Variants in GRM1 observed in about 807,000 individuals in gnomAD.
GRM1 encodes metabotropic glutamate receptor 1.
A neutral mutation model predicts 90.9 loss-of-function variants in GRM1; 33 were observed. The ratio of observed to expected loss-of-function variants is 0.36; its 90% CI spans 0.28 to 0.49. GRM1 has a LOEUF of 0.49. Ranked by LOEUF, GRM1 falls within the 20% of genes least tolerant of loss-of-function variation. The pLI is 0.99. For missense variants in GRM1, 1,190 were observed against 1,534.3 expected, an observed-to-expected ratio of 0.78 and a Z score of 3.75; for synonymous variants, 700 against 613.2, an observed-to-expected ratio of 1.14 and a Z score of -2.09.
chr6:146,074,764 G>C (rs940528883), intron 1 of GRM1, among the ~76,000 whole-genome samples: 2 of 152,104 alleles, frequency 1.3e-5, no homozygotes, highest in Non-Finnish European at 2.9e-5. Context: ...GAATACTAGA[G>C]AGTCATAAAT....
chr6:146,087,975 T>C (rs1036182673), intron 1 of GRM1, among the ~76,000 whole-genome samples: 4 of 152,190 alleles, frequency 2.6e-5, no homozygotes, highest in Non-Finnish European at 5.9e-5. Flanking sequence ...TATTGCTCAT[T>C]TGCATGCTGA....
At chr6:146,062,095 A>G (rs1276266929) in intron 1 of GRM1, among the ~76,000 whole-genome samples, 1 of 152,150 alleles carries the variant, frequency 6.6e-6, no homozygotes, top group Non-Finnish European at 1.5e-5. Context: ...AACCAACCCA[A>G]ATGTCCATCA....
intron 1 of GRM1, among the ~76,000 whole-genome samples, chr6:146,070,137 A>G (rs1331028293): frequency 1.3e-5 from 2 of 152,098 alleles, no homozygotes; most frequent in African/African-American, 4.8e-5. Flanking sequence ...TTCTGAAAAC[A>G]CTTCTTTATC....
At chr6:146,194,468 A>C (rs923614604) in intron 2 of GRM1, among the ~76,000 whole-genome samples, 2 of 152,348 alleles carry the variant, frequency 1.3e-5, no homozygotes, top group African/African-American at 4.8e-5. Flanking sequence ...TAAATGAGCC[A>C]ACATCAGGGG....
intron 4 of GRM1, 81 bp downstream of exon 4, chr6:146,352,577 TC>T: frequency 7.1e-7 from 1 of 1,417,292 alleles, no homozygotes; most frequent in Non-Finnish European, 9.9e-7. Flanking sequence ...TTCATCTGGT[TC>T]CATGGTTTCT....
intron 5 of GRM1, among the ~76,000 whole-genome samples, chr6:146,385,471 T>C (rs896062774): frequency 6.6e-6 from 1 of 151,956 alleles, no homozygotes; most frequent in Non-Finnish European, 1.5e-5. Flanking sequence ...ATGTTATTTT[T>C]GAAATACTAA....
chr6:146,120,642 C>T (rs535508579), intron 1 of GRM1, among the ~76,000 whole-genome samples: 80 of 152,180 alleles, frequency 5.3e-4, no homozygotes, highest in Middle Eastern at 6.8e-3. Flanking sequence ...GAGTTTTTAG[C>T]GTGAAGAGTT....
intron 4 of GRM1, among the ~76,000 whole-genome samples, chr6:146,354,915 T>C (rs896127850): frequency 6.6e-6 from 1 of 152,160 alleles, no homozygotes; most frequent in Non-Finnish European, 1.5e-5. Flanking sequence ...ATAGTTTTTT[T>C]CCCAGCTTTT....
At chr6:146,145,081 G>A (rs1264580707) in intron 1 of GRM1, among the ~76,000 whole-genome samples, 2 of 152,146 alleles carry the variant, frequency 1.3e-5, no homozygotes, top group Admixed American at 6.5e-5. Flanking sequence ...GAAGCTGCAT[G>A]GTTGCTTTTG....
chr6:146,399,004 C>A lies in GRM1; in HGVS notation c.1965C>A (p.Thr655=). ...PFTLIAKPTT[T]SCYLQRLLVG... is the part of the protein sequence containing the mutation. ...CTCTCATTGCCAAACCTACTACCAC[C>A]TCCTGCTACCTCCAGCGCCTCTTGG... The change falls in exon 7 of 8, where the codon ACC becomes ACA. Residue 655 remains threonine, a synonymous_variant. Transcript: ENST00000282753. This position sits in a 1 kb window ranked among gnomAD's most constrained non-coding sequence, Gnocchi z 5.4. 1 of 1,614,038 alleles carries A rather than the reference C, an allele frequency of 6.2e-7. No individual in the cohort carries two copies. Among genetic ancestry groups the A allele is most frequent in the East Asian group, 2.2e-5 (1 of 44,868 alleles).
intron 5 of GRM1, among the ~76,000 whole-genome samples, chr6:146,377,109 T>C (rs1562650843): frequency 6.6e-6 from 1 of 152,022 alleles, no homozygotes; most frequent in East Asian, 1.9e-4. Flanking sequence ...CCTTTTTCCT[T>C]TATAAATTAC....
At chr6:146,236,036 C>T (rs1359437567) in intron 2 of GRM1, among the ~76,000 whole-genome samples, 4 of 151,828 alleles carry the variant, frequency 2.6e-5, no homozygotes, top group Middle Eastern at 3.4e-3. Context: ...AATGGGTTTG[C>T]CTTGTTTTTA....
At chr6:146,195,023 TG>T (rs1562522057) in intron 2 of GRM1, among the ~76,000 whole-genome samples, 1 of 152,224 alleles carries the variant, frequency 6.6e-6, no homozygotes, top group Non-Finnish European at 1.5e-5. Flanking sequence ...TCCAGAAGAT[TG>T]TAATCACTCC....
intron 2 of GRM1, among the ~76,000 whole-genome samples, chr6:146,209,963 A>G (rs9497483): frequency 0.23 from 34,232 of 152,102 alleles, 8,021 homozygotes; most frequent in African/African-American, 0.6. Flanking sequence ...GGAATCTCAA[A>G]GAGTAAGGCA....
intron 7 of GRM1, among the ~76,000 whole-genome samples, chr6:146,428,816 G>A (rs1778306384): frequency 6.6e-6 from 1 of 152,092 alleles, no homozygotes; most frequent in South Asian, 2.1e-4. Flanking sequence ...ACTGTACTTG[G>A]AAAAATTTTA....
intron 1 of GRM1, among the ~76,000 whole-genome samples, chr6:146,061,075 G>A (rs938839382): frequency 3.3e-5 from 5 of 152,110 alleles, no homozygotes; most frequent in African/African-American, 1.2e-4. Flanking sequence ...GAGGGAGAGA[G>A]ATGGGGGAAT....
intron 1 of GRM1, among the ~76,000 whole-genome samples, chr6:146,070,186 A>G (rs1775978293): frequency 6.6e-6 from 1 of 152,060 alleles, no homozygotes; most frequent in Admixed American, 6.6e-5. Flanking sequence ...TTTTTCTCTA[A>G]CAAGTTTATT....
intron 2 of GRM1, among the ~76,000 whole-genome samples, chr6:146,250,083 T>C (rs549151905): frequency 6.6e-6 from 1 of 152,306 alleles, no homozygotes; most frequent in East Asian, 1.9e-4. Context: ...TCCCATTGTA[T>C]CTTGGAAGTA....
chr6:146,033,893 C>G (rs1341705268), intron 1 of GRM1, among the ~76,000 whole-genome samples: 1 of 151,954 alleles, frequency 6.6e-6, no homozygotes, highest in Non-Finnish European at 1.5e-5. Flanking sequence ...AATTTTATAT[C>G]TACTAAATAT....
Sources: gnomAD v4.1 joint callset for allele counts (sites outside exome capture counted in the v4.1 genomes callset) on GRCh38, gnomAD v4.1.1 for gene constraint, Gnocchi (gnomAD v3.1) non-coding constraint, MANE v1.5 for transcripts, NCBI Gene and HGNC (gene_info 2026-07-23, HGNC 2026-07-21) for gene names.